Variants in MFAP4 observed in about 807,000 individuals in gnomAD.
MFAP4 encodes microfibril associated protein 4.
A neutral mutation model predicts 32.4 loss-of-function variants in MFAP4; 20 were observed. That is an observed-to-expected ratio of 0.62 (90% CI 0.43 to 0.90). The LOEUF (loss-of-function observed/expected upper bound fraction) is 0.90, where lower values mean the gene tolerates loss of function less well. Among genes scored for constraint, MFAP4 ranks in the 40% least tolerant of loss-of-function variants. The pLI, the probability that MFAP4 is intolerant of heterozygous loss-of-function variation, is 0.00. For synonymous variants in MFAP4, 146 were observed against 137.4 expected (o/e 1.06, Z -0.44); for missense variants, 267 against 329.5 (o/e 0.81, Z 1.47).
chr17:19,386,977 G>GGGGCCCCCCCCCCCCCCCCCCCCACAC, intron 1 of MFAP4, 139 bp from the exon 2 acceptor site: 1 of 689,458 alleles, frequency 1.5e-6, no homozygotes, highest in Non-Finnish European at 2.4e-6. Flanking sequence ...CCTCTTCCCT[G>GGGGCCCCCCCCCCCCCCCCCCCCACAC]CCCCCCCACC....
rs745399179 is a variant in MFAP4, at chr17:19,387,137, C to CT, written c.6+12dup. 1.1e-5 allele frequency: 17 copies of CT among 1,611,824 alleles called. No homozygotes were observed. The highest frequency in any genetic ancestry group is 5.0e-5 in the Admixed American group (3 of 59,992). Reference sequence around the variant, plus strand: ...CCCCCATGCTATGAGTCCCCCGACCCTGGGCCCCGTACCTTCATGCTGTCA... The same window carrying CT: ...CCCCCATGCTATGAGTCCCCCGACCCTTGGGCCCCGTACCTTCATGCTGTCA... On this transcript the variant is annotated intron_variant, in intron 1 of 5. Coordinates refer to ENST00000299610, the MANE Select transcript of MFAP4 (RefSeq NM_002404.3).
intron 1 of MFAP4, 139 bp from the exon 2 acceptor site, chr17:19,386,977 G>GGGCGCCCCCCCCCCCCC: frequency 1.5e-6 from 1 of 689,460 alleles, no homozygotes; most frequent in Non-Finnish European, 2.4e-6. Flanking sequence ...CCTCTTCCCT[G>GGGCGCCCCCCCCCCCCC]CCCCCCCACC....
chr17:19,386,972 T>TGCCGGGGGCCCCC, intron 1 of MFAP4, 134 bp from the exon 2 acceptor site: 1 of 937,008 alleles, frequency 1.1e-6, no homozygotes, highest in Non-Finnish European at 1.7e-6. Context: ...TGGCCCCTCT[T>TGCCGGGGGCCCCC]CCCTGCCCCC....
intron 2 of MFAP4, 139 bp from the exon 3 acceptor site, chr17:19,386,603 T>A (rs1913045468): frequency 8.1e-7 from 1 of 1,241,204 alleles, no homozygotes; most frequent in Non-Finnish European, 1.1e-6. Context: ...TCAAGGGAGA[T>A]GAGCAATGCT....
rs1355422008 is a variant in MFAP4, at chr17:19,384,229, G to A, written c.*233C>T. The A allele has an allele frequency of 5.5e-5, 30 of 548,104 alleles. No homozygotes were observed. In the East Asian group the frequency reaches 9.0e-4, roughly 16 times the overall value. 34.0% of individuals were successfully genotyped at this position (548,104 alleles called of 1,614,324 possible). A position where few individuals can be genotyped will look rare whatever the true frequency, so the allele number is the denominator to read the frequency against. Reference sequence around the variant, plus strand: ...CTAGAACCATGTGCCTCTCGGAAGAGGCCTGGGGAACTGCTGGCAGTGTAA... The same window carrying A: ...CTAGAACCATGTGCCTCTCGGAAGAAGCCTGGGGAACTGCTGGCAGTGTAA... On this transcript the variant is annotated 3_prime_UTR_variant, in exon 6 of 6. Transcript: ENST00000299610.
intron 1 of MFAP4, 119 bp from the exon 2 acceptor site, chr17:19,386,957 C>T (rs753527687): frequency 2.1e-6 from 3 of 1,412,224 alleles, no homozygotes; most frequent in Non-Finnish European, 2.9e-6. Context: ...CCCTCTCCTG[C>T]TATTTGGCCC....
In MFAP4 at chr17:19,386,476, G is replaced by C; in HGVS notation, c.86-12C>G. 6.2e-7 allele frequency: 1 copy of C among 1,606,576 alleles called. No individual in the cohort carries two copies. The highest frequency in any genetic ancestry group is 8.5e-7 in the Non-Finnish European group (1 of 1,175,548). Reference sequence around the variant, plus strand: ...AAACCTCTCCAGAGCTGGGGGTAGGGACATGGGGACAGTGAGGAGAGTGGG... The same window carrying C: ...AAACCTCTCCAGAGCTGGGGGTAGGCACATGGGGACAGTGAGGAGAGTGGG... On this transcript the variant is annotated splice_polypyrimidine_tract_variant and intron_variant, in intron 2 of 5. Coordinates refer to ENST00000299610, the MANE Select transcript of MFAP4 (RefSeq NM_002404.3).
chr17:19,384,812 G>A, intron 5 of MFAP4, 103 bp from the exon 6 acceptor site: 1 of 1,510,406 alleles, frequency 6.6e-7, no homozygotes. Flanking sequence ...TCACGTGGCA[G>A]CCTGGCGGGA....
rs948926376 is a variant in MFAP4 at position 19,384,507 on chromosome 17, G to A, written c.723C>T (p.Phe241=). ...NGINWAQWKG[F]YYSLKRTEMK... ...TCTCAGTGCGTTTGAGGGAGTAGTA[G>A]AAGCCCTTCCACTGGGCCCAGTTGA... The change falls in exon 6 of 6, where the codon TTC becomes TTT. Residue 241 remains phenylalanine (F), a synonymous_variant. Coordinates refer to ENST00000299610, the MANE Select transcript of MFAP4 (RefSeq NM_002404.3). 1.7e-5 allele frequency: 27 copies of A among 1,607,352 alleles called. No individual in the cohort carries two copies. Among genetic ancestry groups the A allele is most frequent in the Non-Finnish European group, 2.1e-5 (25 of 1,176,654 alleles).
chr17:19,384,794 G>A (rs1912961838), intron 5 of MFAP4, 85 bp from the exon 6 acceptor site: 1 of 1,564,362 alleles, frequency 6.4e-7, no homozygotes, highest in Non-Finnish European at 8.7e-7. Context: ...TGACGACTGT[G>A]AGAGATATCA....
At chr17:19,386,972 T>TGCCGGGGGCCCCCCCCCCCCCC in intron 1 of MFAP4, 134 bp from the exon 2 acceptor site, 4 of 937,010 alleles carry the variant, frequency 4.3e-6, no homozygotes, top group Non-Finnish European at 6.8e-6. Context: ...TGGCCCCTCT[T>TGCCGGGGGCCCCCCCCCCCCCC]CCCTGCCCCC....
intron 2 of MFAP4, 58 bp from the exon 3 acceptor site, chr17:19,386,522 T>C: frequency 6.4e-7 from 1 of 1,561,732 alleles, no homozygotes. Context: ...CACTGACACC[T>C]CAGCACCCCA....
chr17:19,385,031 G>C, intron 5 of MFAP4, 68 bp downstream of exon 5: 1 of 1,543,376 alleles, frequency 6.5e-7, no homozygotes, highest in Non-Finnish European at 8.8e-7. Flanking sequence ...GGTTGGGGCT[G>C]ACTGGGCAGG....
At chr17:19,385,731 C>A (rs908001331) in intron 3 of MFAP4, among the ~76,000 whole-genome samples, 1 of 152,226 alleles carries the variant, frequency 6.6e-6, no homozygotes, top group African/African-American at 2.4e-5. Context: ...TTCTAGAGTT[C>A]GAGTGCCTAG....
At chr17:19,386,985 A>AACCCCCCCC in intron 1 of MFAP4, 147 bp from the exon 2 acceptor site, 1 of 317,362 alleles carries the variant, frequency 3.2e-6, no homozygotes. Flanking sequence ...CTGCCCCCCC[A>AACCCCCCCC]CCCCGCCCGC....
At chr17:19,386,685 G>C in intron 2 of MFAP4, 75 bp downstream of exon 2, 1 of 1,490,992 alleles carries the variant, frequency 6.7e-7, no homozygotes, top group Non-Finnish European at 9.2e-7. Context: ...GGCCCTGACA[G>C]TCTGTTCTGA....
rs1382113781 is a variant in MFAP4 at position 19,384,698 on chromosome 17, A to G, written c.532T>C (p.Ser178Pro). The change falls in exon 6 of 6, where the codon TCC becomes CCC. Residue 178 changes from serine (S) to proline (P), a missense_variant. By Grantham distance (74) the Ser-to-Pro change is moderately conservative. Transcript: ENST00000299610. ...FEDGGAGDSL[S>P]YHSGQKFSTF... Reference sequence around the variant, plus strand: ...GAGAACTTCTGGCCACTGTGGTAGGACAGGGAGTCACCTGGCAGAGGAGAG... The same window carrying G: ...GAGAACTTCTGGCCACTGTGGTAGGGCAGGGAGTCACCTGGCAGAGGAGAG... The G allele has an allele frequency of 6.2e-7, 1 of 1,614,090 alleles. No individual in the cohort carries two copies. The highest frequency in any genetic ancestry group is 2.2e-5 in the East Asian group (1 of 44,882).
rs868827925 is a variant in MFAP4, at chr17:19,386,699, T to C, written c.85+61A>G. 2.1e-5 allele frequency: 32 copies of C among 1,523,422 alleles called. 1 individual carries two copies. The Middle Eastern group carries it at 2.7e-3, about 127-fold the overall frequency. 94.4% of individuals were successfully genotyped at this position (1,523,422 alleles called of 1,614,324 possible). On this transcript the variant is annotated intron_variant, in intron 2 of 5. Coordinates refer to ENST00000299610, the MANE Select transcript of MFAP4 (RefSeq NM_002404.3). Reference sequence around the variant, plus strand: ...CGGCCCTGACAGTCTGTTCTGACAGTCCAGCCTCTTCTTGCACAACCTGTG... The same window carrying C: ...CGGCCCTGACAGTCTGTTCTGACAGCCCAGCCTCTTCTTGCACAACCTGTG...
rs1399245031 is a variant in MFAP4 at position 19,387,151 on chromosome 17, T to G, written c.5A>C (p.Lys2Thr). 3 of 1,607,302 alleles carry G rather than the reference T, an allele frequency of 1.9e-6. No homozygotes were observed. The highest frequency in any genetic ancestry group is 2.2e-5 in the East Asian group (1 of 44,720). The change falls in exon 1 of 6, where the codon AAG becomes ACG. Residue 2 changes from lysine to threonine, a missense_variant and splice_region_variant. By Grantham distance (78) the Lys-to-Thr change is moderately conservative. This residue lies in a region of MFAP4 where 223 missense variants were observed against 253.3 expected (regional missense o/e 0.88). Coordinates refer to ENST00000299610, the MANE Select transcript of MFAP4 (RefSeq NM_002404.3). M[K>T]ALLALPLLLL... ...GTCCCCCGACCCTGGGCCCCGTACC[T>G]TCATGCTGTCAGTTCTGCTCAGAGT...
Sources: gnomAD v4.1 joint callset for allele counts (sites outside exome capture counted in the v4.1 genomes callset) on GRCh38, gnomAD v4.1.1 for gene constraint, gnomAD v4.1.1 regional missense constraint, MANE v1.5 for transcripts, NCBI Gene and HGNC (gene_info 2026-07-23, HGNC 2026-07-21) for gene names.